The following FAM135B variants were observed in gnomAD, a reference collection of about 807,000 sequenced individuals.
The protein encoded by FAM135B is protein FAM135B.
In FAM135B, 43 loss-of-function variants were observed where a neutral mutation model predicts 127.7. The ratio of observed to expected loss-of-function variants is 0.34; its 90% CI spans 0.26 to 0.43. The LOEUF is 0.43. Among genes scored for constraint, FAM135B ranks in the 20% least tolerant of loss-of-function variants. FAM135B has a pLI of 1.00. For missense variants in FAM135B, 1,558 were observed against 1,725.6 expected (o/e 0.90, Z 1.72); for synonymous variants, 670 against 665.1 (o/e 1.01, Z -0.11).
At chr8:138,355,991 G>T (rs992641369) in intron 2 of FAM135B, among the ~76,000 whole-genome samples, 12 of 152,084 alleles carry the variant, frequency 7.9e-5, no homozygotes, top group African/African-American at 1.9e-4. Flanking sequence ...CTTATAAAAG[G>T]CCTGGAGGGA....
At chr8:138,461,114 T>G (rs779764219) in intron 1 of FAM135B, among the ~76,000 whole-genome samples, 9 of 152,178 alleles carry the variant, frequency 5.9e-5, no homozygotes, top group Non-Finnish European at 1.0e-4. Flanking sequence ...TGTCAGTCAC[T>G]GGTCACTTCC....
chr8:138,312,773 A>G (rs1826789857), intron 2 of FAM135B, among the ~76,000 whole-genome samples: 1 of 152,204 alleles, frequency 6.6e-6, no homozygotes, highest in East Asian at 1.9e-4. Context: ...GGACTTCAGC[A>G]GGGAGCCAGG....
intron 12 of FAM135B, among the ~76,000 whole-genome samples, chr8:138,164,570 A>G (rs1819724330): frequency 6.6e-6 from 1 of 152,250 alleles, no homozygotes; most frequent in African/African-American, 2.4e-5. Context: ...TCACTGAGAT[A>G]AATGCATATC....
At chr8:138,153,909 T>G (rs1818432876) in intron 12 of FAM135B, among the ~76,000 whole-genome samples, 1 of 152,128 alleles carries the variant, frequency 6.6e-6, no homozygotes, top group African/African-American at 2.4e-5. Context: ...AGACTAAAAC[T>G]TCCCTGTCTG....
chr8:138,314,375 T>C (rs538692355), intron 2 of FAM135B, among the ~76,000 whole-genome samples: 29 of 152,154 alleles, frequency 1.9e-4, no homozygotes, highest in East Asian at 3.9e-4. Flanking sequence ...ATATTGAGAA[T>C]TGACTATCTG....
At chr8:138,395,073 G>A (rs919301481) in intron 1 of FAM135B, among the ~76,000 whole-genome samples, 1 of 152,148 alleles carries the variant, frequency 6.6e-6, no homozygotes, top group Non-Finnish European at 1.5e-5. Context: ...TGGCCAGTGG[G>A]TCATTGCCAA....
chr8:138,237,407 C>T (rs1299400639), intron 7 of FAM135B, among the ~76,000 whole-genome samples: 5 of 152,128 alleles, frequency 3.3e-5, no homozygotes, highest in South Asian at 4.2e-4. Flanking sequence ...GTGATCTGCC[C>T]GCCTCGGCCT....
chr8:138,154,671 A>G (rs1818534746), intron 12 of FAM135B, among the ~76,000 whole-genome samples: 1 of 152,192 alleles, frequency 6.6e-6, no homozygotes, highest in East Asian at 1.9e-4. Context: ...AGCCGATTCA[A>G]TCAAGTGGAA....
At chr8:138,345,576 C>G (rs1277660057) in intron 2 of FAM135B, among the ~76,000 whole-genome samples, 1 of 152,092 alleles carries the variant, frequency 6.6e-6, no homozygotes, top group African/African-American at 2.4e-5. Context: ...CCCATTTGTT[C>G]AAGCCCCTTT....
At chr8:138,346,510 CT>C (rs1447445375) in intron 2 of FAM135B, among the ~76,000 whole-genome samples, 2 of 152,222 alleles carry the variant, frequency 1.3e-5, no homozygotes, top group African/African-American at 4.8e-5. Context: ...AGATCATGTC[CT>C]TTGCAGGGAC....
intron 3 of FAM135B, among the ~76,000 whole-genome samples, chr8:138,306,322 A>C (rs7012410): frequency 1 from 151,377 of 151,740 alleles, 75,510 homozygotes; most frequent in Non-Finnish European, 1. Context: ...GTAATCCCAG[A>C]CACTTGGGAG....
At chr8:138,259,470 A>G (rs964892102) in intron 4 of FAM135B, among the ~76,000 whole-genome samples, 1 of 152,196 alleles carries the variant, frequency 6.6e-6, no homozygotes, top group African/African-American at 2.4e-5. Flanking sequence ...CGTGTGAACT[A>G]AAATTTAAAA....
chr8:138,261,401 T>C (rs1374107832), intron 4 of FAM135B, among the ~76,000 whole-genome samples: 1 of 152,220 alleles, frequency 6.6e-6, no homozygotes, highest in Non-Finnish European at 1.5e-5. Context: ...AATAATTGTA[T>C]CTTCTTCTTT....
chr8:138,199,082 T>G (rs939368692), intron 7 of FAM135B, among the ~76,000 whole-genome samples: 6 of 152,184 alleles, frequency 3.9e-5, no homozygotes, highest in African/African-American at 1.4e-4. Flanking sequence ...CTGCCTTGCT[T>G]GGTCTCCTTT....
rs1818283149 is a variant in FAM135B, at chr8:138,152,687, T to C, written c.1788A>G (p.Val596=). Residue 596 remains valine, a synonymous_variant, in exon 13 of 20, where the codon GTA becomes GTG. Transcript: ENST00000395297. ...GLDRTGLSKV[V]VGGSHQNAIS... is the part of the protein sequence containing the mutation. ...TGGCATTTTGGTGGCTTCCACCTAC[T>C]ACCACTTTGCTTAGCCCAGTCCTGT... The C allele has an allele frequency of 6.2e-7, 1 of 1,614,208 alleles. No homozygotes were observed. The highest frequency in any genetic ancestry group is 8.5e-7 in the Non-Finnish European group (1 of 1,180,026).
chr8:138,400,524 AGAG>A (rs1587354635), intron 1 of FAM135B, among the ~76,000 whole-genome samples: 2 of 152,168 alleles, frequency 1.3e-5, no homozygotes, highest in South Asian at 4.1e-4. Flanking sequence ...AGGGAAGATG[AGAG>A]GAGGAGGACT....
chr8:138,186,400 C>T (rs895122131), intron 9 of FAM135B, among the ~76,000 whole-genome samples: 7 of 152,148 alleles, frequency 4.6e-5, no homozygotes, highest in African/African-American at 1.7e-4. Flanking sequence ...AGCTCTATGT[C>T]TTCAAATTGC....
intron 1 of FAM135B, among the ~76,000 whole-genome samples, chr8:138,443,544 G>C (rs909005022): frequency 6.6e-6 from 1 of 152,156 alleles, no homozygotes; most frequent in Non-Finnish European, 1.5e-5. Flanking sequence ...TTGCTAATTA[G>C]TTAATCCAAG....
At chr8:138,435,436 T>C (rs1835408721) in intron 1 of FAM135B, among the ~76,000 whole-genome samples, 1 of 152,210 alleles carries the variant, frequency 6.6e-6, no homozygotes, top group African/African-American at 2.4e-5. Flanking sequence ...ATGAGAAAGC[T>C]GAAGTTCTGA....
Sources: allele counts gnomAD v4.1 joint callset (sites outside exome capture counted in the v4.1 genomes callset), GRCh38; gene constraint gnomAD v4.1.1; transcripts MANE v1.5; gene names NCBI Gene and HGNC (gene_info 2026-07-23, HGNC 2026-07-21).